The following H2BC15 variants were observed in gnomAD, a reference collection of about 807,000 sequenced individuals.
H2BC15 encodes the protein H2B clustered histone 15.
In H2BC15, 5 loss-of-function variants were observed where a neutral mutation model predicts 6.6. The ratio of observed to expected loss-of-function variants is 0.75; its 90% CI spans 0.39 to 1.59. The LOEUF is 1.59. Ranked by LOEUF, H2BC15 falls within the 40% of genes most tolerant of loss-of-function variation. H2BC15 has a pLI of 0.02. For missense variants in H2BC15, 148 were observed against 169.4 expected, an observed-to-expected ratio of 0.87 and a Z score of 0.70; for synonymous variants, 87 against 75.2, an observed-to-expected ratio of 1.16 and a Z score of -0.81.
Position 27,838,834 on chromosome 6 carries a change from A to T in H2BC15, c.173A>T (p.Lys58Met). Reference sequence around the variant, plus strand: ...CACCCCGACACCGGTATCTCGTCCAAGGCCATGGGCATCATGAACTCCTTC... The same window carrying T: ...CACCCCGACACCGGTATCTCGTCCATGGCCATGGGCATCATGAACTCCTTC... ...QVHPDTGISS[K>M]AMGIMNSFVN... The change falls in exon 1 of 1, where the codon AAG becomes ATG. Residue 58 changes from lysine (K) to methionine (M), a missense_variant. By Grantham distance (95) the Lys-to-Met change is moderately conservative. This residue lies in a region of H2BC15 where 90 missense variants were observed against 74.7 expected (regional missense o/e 1.20). Transcript: ENST00000612898. 6.2e-7 allele frequency: 1 copy of T among 1,614,268 alleles called. No individual in the cohort carries two copies. The highest frequency in any genetic ancestry group is 1.1e-5 in the South Asian group (1 of 91,086).
In H2BC15 at chr6:27,838,805, G is replaced by C; in HGVS notation, c.144G>C (p.Gln48His). 2 of 1,614,268 alleles carry C rather than the reference G, an allele frequency of 1.2e-6. No individual in the cohort carries two copies. The highest frequency in any genetic ancestry group is 1.7e-6 in the Non-Finnish European group (2 of 1,180,044). ...TGTACGTGTACAAGGTGCTGAAGCA[G>C]GTCCACCCCGACACCGGTATCTCGT... is the stretch of plus-strand genomic sequence containing the variant. ...YSVYVYKVLKQVHPDTGISSK... is the reference protein window; with the variant it reads ...YSVYVYKVLKHVHPDTGISSK... The change falls in exon 1 of 1, where the codon CAG (glutamine) becomes CAC (histidine). Residue 48 changes from glutamine to histidine, a missense_variant. Physicochemically the swap from Gln to His is conservative, Grantham distance 24. This residue lies in a region of H2BC15 where 90 missense variants were observed against 74.7 expected (regional missense o/e 1.20). Coordinates refer to ENST00000612898, the MANE Select transcript of H2BC15 (RefSeq NM_003520.4).
Position 27,838,596 on chromosome 6 carries a change from G to T in H2BC15, c.-66G>T. 1 of 1,587,576 alleles carries T rather than the reference G, an allele frequency of 6.3e-7. No individual in the cohort carries two copies. Among genetic ancestry groups the T allele is most frequent in the Non-Finnish European group, 8.6e-7 (1 of 1,167,120 alleles). ...TTGCGTTAAGAAGCAGTGAATAAGC[G>T]GTAGGTTGACAGAGCTACCGTCTTC... is the stretch of plus-strand genomic sequence containing the variant. On this transcript the variant is annotated 5_prime_UTR_variant, in exon 1 of 1. Coordinates refer to ENST00000612898, the MANE Select transcript of H2BC15 (RefSeq NM_003520.4).
rs745961889 is a variant in H2BC15 at position 27,838,897 on chromosome 6, C to A, written c.236C>A (p.Ser79Tyr). Residue 79 changes from serine to tyrosine, a missense_variant, in exon 1 of 1, where the codon TCC becomes TAC. By Grantham distance (144) the Ser-to-Tyr change is moderately radical (BLOSUM62 -2). Transcript: ENST00000612898. ...DIFERIAGEA[S>Y]RLAHYNKRST... is the part of the protein sequence containing the mutation. ...TTCGAGCGCATCGCCGGCGAGGCTT[C>A]CCGCCTGGCGCATTACAACAAGCGC... The A allele has an allele frequency of 6.2e-7, 1 of 1,614,152 alleles. No individual in the cohort carries two copies. The highest frequency in any genetic ancestry group is 8.5e-7 in the Non-Finnish European group (1 of 1,180,060).
At position 27,838,651 on chromosome 6, in the gene H2BC15, T is replaced by G; in HGVS notation, c.-11T>G. 6.2e-7 allele frequency: 1 copy of G among 1,611,830 alleles called. No homozygotes were observed. Among genetic ancestry groups the G allele is most frequent in the Non-Finnish European group, 8.5e-7 (1 of 1,178,966 alleles). On this transcript the variant is annotated 5_prime_UTR_variant, in exon 1 of 1. Transcript: ENST00000612898. ...TTTTTTCCTCCAATTTTCCGGCAGT[T>G]ACTCCCAGTCATGCCCGAGCCCTCA...
Position 27,838,704 on chromosome 6 carries a change from T to C in H2BC15, c.43T>C (p.Ser15Pro). 6.2e-7 allele frequency: 1 copy of C among 1,613,920 alleles called. No individual in the cohort carries two copies. The highest frequency in any genetic ancestry group is 8.5e-7 in the Non-Finnish European group (1 of 1,179,980). ...SKSAPAPKKG[S>P]KKAVTKAQKK... The stretch of plus-strand genomic sequence containing the variant: ...GTCCGCTCCTGCCCCGAAGAAAGGC[T>C]CCAAGAAGGCAGTGACAAAGGCCCA... The change falls in exon 1 of 1, where the codon TCC becomes CCC. Residue 15 changes from serine (S) to proline (P), a missense_variant. By Grantham distance (74) the Ser-to-Pro change is moderately conservative. This residue lies in a region of H2BC15 where 90 missense variants were observed against 74.7 expected (regional missense o/e 1.20). Transcript: ENST00000612898.
chr6:27,838,590 A>G lies in H2BC15; in HGVS notation c.-72A>G. On this transcript the variant is annotated 5_prime_UTR_variant, in exon 1 of 1. Coordinates refer to ENST00000612898, the MANE Select transcript of H2BC15 (RefSeq NM_003520.4). ...CCCCACTTGCGTTAAGAAGCAGTGA[A>G]TAAGCGGTAGGTTGACAGAGCTACC... 1.3e-6 allele frequency: 2 copies of G among 1,580,310 alleles called. No homozygotes were observed. Among genetic ancestry groups the G allele is most frequent in the Admixed American group, 1.8e-5 (1 of 55,044 alleles).
At position 27,838,692 on chromosome 6, in the gene H2BC15, C is replaced by T. The variant is rs768501837; in HGVS notation, c.31C>T (p.Pro11Ser). The change falls in exon 1 of 1, where the codon CCG becomes TCG. Residue 11 changes from proline to serine, a missense_variant. Transcript: ENST00000612898. MPEPSKSAPA[P>S]KKGSKKAVTK... ...CGAGCCCTCAAAGTCCGCTCCTGCC[C>T]CGAAGAAAGGCTCCAAGAAGGCAGT... 51 of 1,614,138 alleles carry T rather than the reference C, an allele frequency of 3.2e-5. No individual in the cohort carries two copies. Among genetic ancestry groups the T allele is most frequent in the South Asian group, 6.6e-5 (6 of 91,082 alleles).
chr6:27,838,670 G>T lies in H2BC15; in HGVS notation c.9G>T (p.Glu3Asp), dbSNP rs779327004. The change falls in exon 1 of 1, where the codon GAG (glutamate) becomes GAT (aspartate). Residue 3 changes from glutamate to aspartate, a missense_variant. Physicochemically the swap from Glu to Asp is conservative, Grantham distance 45. Transcript: ENST00000612898. MPEPSKSAPAPKK... is the reference protein window; with the variant it reads MPDPSKSAPAPKK... Reference sequence around the variant, plus strand: ...GGCAGTTACTCCCAGTCATGCCCGAGCCCTCAAAGTCCGCTCCTGCCCCGA... The same window carrying T: ...GGCAGTTACTCCCAGTCATGCCCGATCCCTCAAAGTCCGCTCCTGCCCCGA... 1 of 1,613,898 alleles carries T rather than the reference G, an allele frequency of 6.2e-7. No homozygotes were observed. Among genetic ancestry groups the T allele is most frequent in the South Asian group, 1.1e-5 (1 of 91,064 alleles).
chr6:27,838,653 C>T lies in H2BC15; in HGVS notation c.-9C>T. ...TTTTCCTCCAATTTTCCGGCAGTTA[C>T]TCCCAGTCATGCCCGAGCCCTCAAA... On this transcript the variant is annotated 5_prime_UTR_variant, in exon 1 of 1. Transcript: ENST00000612898. The T allele has an allele frequency of 1.2e-6, 2 of 1,612,882 alleles. No individual in the cohort carries two copies. Among genetic ancestry groups the T allele is most frequent in the East Asian group, 2.2e-5 (1 of 44,860 alleles).
Position 27,838,626 on chromosome 6 carries a change from T to C in H2BC15, c.-36T>C, listed in dbSNP as rs1761084727. The stretch of plus-strand genomic sequence containing the variant: ...GTTGACAGAGCTACCGTCTTCCTGT[T>C]TTTTTCCTCCAATTTTCCGGCAGTT... On this transcript the variant is annotated 5_prime_UTR_variant, in exon 1 of 1. Coordinates refer to ENST00000612898, the MANE Select transcript of H2BC15 (RefSeq NM_003520.4). 6.2e-7 allele frequency: 1 copy of C among 1,609,674 alleles called. No homozygotes were observed. The highest frequency in any genetic ancestry group is 1.1e-5 in the South Asian group (1 of 90,788).
At position 27,838,919 on chromosome 6, in the gene H2BC15, G is replaced by A. The variant is rs764480802; in HGVS notation, c.258G>A (p.Lys86=). 1.1e-5 allele frequency: 18 copies of A among 1,614,260 alleles called. No individual in the cohort carries two copies. The highest frequency in any genetic ancestry group is 8.5e-6 in the Non-Finnish European group (10 of 1,180,042). The change falls in exon 1 of 1, where the codon AAG becomes AAA. Residue 86 remains lysine, a synonymous_variant. Coordinates refer to ENST00000612898, the MANE Select transcript of H2BC15 (RefSeq NM_003520.4). ...CTTCCCGCCTGGCGCATTACAACAA[G>A]CGCTCGACCATCACCTCCAGGGAGA... ...GEASRLAHYN[K]RSTITSREIQ...
Position 27,838,588 on chromosome 6 carries a change from G to T in H2BC15, c.-74G>T. 1 of 1,578,738 alleles carries T rather than the reference G, an allele frequency of 6.3e-7. No homozygotes were observed. Among genetic ancestry groups the T allele is most frequent in the South Asian group, 1.2e-5 (1 of 85,384 alleles). The stretch of plus-strand genomic sequence containing the variant: ...TACCCCACTTGCGTTAAGAAGCAGT[G>T]AATAAGCGGTAGGTTGACAGAGCTA... On this transcript the variant is annotated 5_prime_UTR_variant, in exon 1 of 1. Transcript: ENST00000612898.
rs1761087171 is a variant in H2BC15, at chr6:27,838,687, C to G, written c.26C>G (p.Pro9Arg). 1 of 1,614,172 alleles carries G rather than the reference C, an allele frequency of 6.2e-7. No homozygotes were observed. The highest frequency in any genetic ancestry group is 8.5e-7 in the Non-Finnish European group (1 of 1,180,020). Residue 9 changes from proline to arginine, a missense_variant, in exon 1 of 1, where the codon CCT becomes CGT. Pro to Arg is a moderately radical substitution (Grantham distance 103). Coordinates refer to ENST00000612898, the MANE Select transcript of H2BC15 (RefSeq NM_003520.4). Reference sequence around the variant, plus strand: ...ATGCCCGAGCCCTCAAAGTCCGCTCCTGCCCCGAAGAAAGGCTCCAAGAAG... The same window carrying G: ...ATGCCCGAGCCCTCAAAGTCCGCTCGTGCCCCGAAGAAAGGCTCCAAGAAG... MPEPSKSAPAPKKGSKKAV... is the reference protein window; with the variant it reads MPEPSKSARAPKKGSKKAV...
Position 27,838,649 on chromosome 6 carries a change from G to GTT in H2BC15, c.-12_-11dup. 1 of 1,611,570 alleles carries GTT rather than the reference G, an allele frequency of 6.2e-7. No homozygotes were observed. Reference sequence around the variant, plus strand: ...GTTTTTTTCCTCCAATTTTCCGGCAGTTACTCCCAGTCATGCCCGAGCCCT... The same window carrying GTT: ...GTTTTTTTCCTCCAATTTTCCGGCAGTTTTACTCCCAGTCATGCCCGAGCCCT... On this transcript the variant is annotated 5_prime_UTR_variant, in exon 1 of 1. Coordinates refer to ENST00000612898, the MANE Select transcript of H2BC15 (RefSeq NM_003520.4).
chr6:27,838,777 C>G lies in H2BC15; in HGVS notation c.116C>G (p.Ser39Cys). The G allele has an allele frequency of 6.2e-7, 1 of 1,614,270 alleles. No homozygotes were observed. Among genetic ancestry groups the G allele is most frequent in the South Asian group, 1.1e-5 (1 of 91,090 alleles). The change falls in exon 1 of 1, where the codon TCC (serine) becomes TGC (cysteine). Residue 39 changes from serine (S) to cysteine (C), a missense_variant. Transcript: ENST00000612898. The stretch of plus-strand genomic sequence containing the variant: ...AAGCGCAGCCGCAAGGAGAGCTACT[C>G]CGTGTACGTGTACAAGGTGCTGAAG... ...KRKRSRKESYSVYVYKVLKQV... is the reference protein window; with the variant it reads ...KRKRSRKESYCVYVYKVLKQV...
In H2BC15 at chr6:27,838,582, A is replaced by C; in HGVS notation, c.-80A>C. 1 of 1,568,746 alleles carries C rather than the reference A, an allele frequency of 6.4e-7. No homozygotes were observed. Among genetic ancestry groups the C allele is most frequent in the Non-Finnish European group, 8.6e-7 (1 of 1,158,136 alleles). ...ATTCTCTACCCCACTTGCGTTAAGA[A>C]GCAGTGAATAAGCGGTAGGTTGACA... On this transcript the variant is annotated 5_prime_UTR_variant, in exon 1 of 1. Coordinates refer to ENST00000612898, the MANE Select transcript of H2BC15 (RefSeq NM_003520.4).
In H2BC15 at chr6:27,838,621, C is replaced by A. The variant is rs375174097; in HGVS notation, c.-41C>A. ...GGTAGGTTGACAGAGCTACCGTCTT[C>A]CTGTTTTTTTCCTCCAATTTTCCGG... On this transcript the variant is annotated 5_prime_UTR_variant, in exon 1 of 1. Transcript: ENST00000612898. The A allele has an allele frequency of 2.5e-6, 4 of 1,608,664 alleles. No homozygotes were observed. The South Asian group carries it at 4.4e-5, about 18-fold the overall frequency.
rs1761083343 is a variant in H2BC15, at chr6:27,838,583, G to A, written c.-79G>A. On this transcript the variant is annotated 5_prime_UTR_variant, in exon 1 of 1. Transcript: ENST00000612898. ...TTCTCTACCCCACTTGCGTTAAGAA[G>A]CAGTGAATAAGCGGTAGGTTGACAG... is the stretch of plus-strand genomic sequence containing the variant. 1.9e-6 allele frequency: 3 copies of A among 1,571,040 alleles called. No individual in the cohort carries two copies. The highest frequency in any genetic ancestry group is 2.6e-6 in the Non-Finnish European group (3 of 1,159,312).
chr6:27,839,077 C>T lies in H2BC15; in HGVS notation c.*35C>T, dbSNP rs111967279. On this transcript the variant is annotated 3_prime_UTR_variant, in exon 1 of 1. Coordinates refer to ENST00000612898, the MANE Select transcript of H2BC15 (RefSeq NM_003520.4). ...CCGCGGAACGTTCGGTCAGTCTCGG[C>T]CCACACCCCAAAGGCTCTTTTCAGA... 3.5e-5 allele frequency: 56 copies of T among 1,608,692 alleles called. 4 individuals are homozygous for T. In the African/African-American group the frequency reaches 4.1e-4, roughly 12 times the overall value.
Sources: gnomAD v4.1 joint callset for allele counts on GRCh38, gnomAD v4.1.1 for gene constraint, gnomAD v4.1.1 regional missense constraint, MANE v1.5 for transcripts, NCBI Gene and HGNC (gene_info 2026-07-23, HGNC 2026-07-21) for gene names.